The following KLC3 variants were observed in gnomAD, a reference collection of about 807,000 sequenced individuals.
KLC3 encodes kinesin light chain 2.
KLC3 carries 72 observed loss-of-function variants against 62.9 expected under a neutral mutation model. That is an observed-to-expected ratio of 1.15 (90% confidence interval 0.95 to 1.39). KLC3 has a LOEUF of 1.39. KLC3 is among the 40% of genes most tolerant of loss of function. The pLI is 0.00. For missense variants in KLC3, 848 were observed against 691.6 expected, an observed-to-expected ratio of 1.23 and a Z score of -2.54; for synonymous variants, 377 against 300.5, an observed-to-expected ratio of 1.25 and a Z score of -2.63.
rs1481128884 is a variant in KLC3, at chr19:45,348,901, G to T, written c.949G>T (p.Ala317Ser). ...GGAGGCAGAGCCCCTGTGCCAGCGC[G>T]CTTTGGAGATCCGAGAGAAGGTCCC... Reference protein sequence around the residue: ...YREAEPLCQRALEIREKVLGA... With the variant: ...YREAEPLCQRSLEIREKVLGA... Residue 317 changes from alanine (A) to serine (S), a missense_variant, in exon 7 of 13, where the codon GCT becomes TCT. Physicochemically the swap from Ala to Ser is moderately conservative, Grantham distance 99 (BLOSUM62 1). Transcript: ENST00000391946. The T allele has an allele frequency of 6.3e-7, 1 of 1,583,502 alleles. No homozygotes were observed.
Position 45,350,379 on chromosome 19 carries a change from G to T in KLC3, c.1182G>T (p.Ala394=). The change falls in exon 9 of 13, where the codon GCG becomes GCT. Residue 394 remains alanine (A), a synonymous_variant. Transcript: ENST00000391946. ...TGAAACAGAACAAGTATCAACAAGC[G>T]GAAGAGCTGTACAAAGAAATCCTCC... ...AYLKQNKYQQ[A]EELYKEILHK... 1 of 1,613,670 alleles carries T rather than the reference G, an allele frequency of 6.2e-7. No homozygotes were observed. The highest frequency in any genetic ancestry group is 8.5e-7 in the Non-Finnish European group (1 of 1,179,914).
chr19:45,346,117 G>T (rs189733335), intron 2 of KLC3, among the ~76,000 whole-genome samples: 1 of 152,072 alleles, frequency 6.6e-6, no homozygotes, highest in Admixed American at 6.5e-5. Context: ...AGTGGAGATC[G>T]TGCCATTCCA....
Position 45,345,732 on chromosome 19 carries a change from T to G in KLC3, c.191T>G (p.Leu64Arg), listed in dbSNP as rs756887832. 2 of 1,559,708 alleles carry G rather than the reference T, an allele frequency of 1.3e-6. No individual in the cohort carries two copies. Among genetic ancestry groups the G allele is most frequent in the African/African-American group, 2.7e-5 (2 of 73,538 alleles). ...GQGPAAGLEM[L>R]EEKQQVVSHS... ...GGCCCGGCAGCCGGCTTGGAGATGCTGGAGGAAAAGCAGCAGGTGGTGAGC... is the reference window on the plus strand; with the variant it reads ...GGCCCGGCAGCCGGCTTGGAGATGCGGGAGGAAAAGCAGCAGGTGGTGAGC... The change falls in exon 2 of 13, where the codon CTG (leucine) becomes CGG (arginine). Residue 64 changes from leucine (L) to arginine (R), a missense_variant. Transcript: ENST00000391946.
intron 8 of KLC3, 136 bp downstream of exon 8, chr19:45,349,738 G>A (rs989342108): frequency 9.8e-6 from 8 of 814,072 alleles, no homozygotes; most frequent in Admixed American, 6.1e-5. Flanking sequence ...GCAAGTGTCA[G>A]ACACAGGAGC....
rs904294195 is a variant in KLC3, at chr19:45,351,276, C to CT, written c.1444-9dup. On this transcript the variant is annotated splice_polypyrimidine_tract_variant and intron_variant, in intron 12 of 12. Coordinates refer to ENST00000391946, the MANE Select transcript of KLC3 (RefSeq NM_177417.3). ...CCTCCCCTCCAACCATCCCCTGTGC[C>CT]TGTCTCCAGTTTCCCAGCTGGCACC... The CT allele has an allele frequency of 1.2e-6, 2 of 1,612,066 alleles. No individual in the cohort carries two copies. The highest frequency in any genetic ancestry group is 2.7e-5 in the African/African-American group (2 of 74,896).
chr19:45,351,196 GT>G, intron 12 of KLC3, 89 bp from the exon 13 acceptor site: 1 of 1,585,776 alleles, frequency 6.3e-7, no homozygotes, highest in Non-Finnish European at 8.6e-7. Flanking sequence ...GGGTTGGATA[GT>G]TGGCTGCCAG....
At position 45,348,141 on chromosome 19, in the gene KLC3, A is replaced by C; in HGVS notation, c.760A>C (p.Ile254Leu). The change falls in exon 5 of 13, where the codon ATC becomes CTC. Residue 254 changes from isoleucine to leucine, a missense_variant. Coordinates refer to ENST00000391946, the MANE Select transcript of KLC3 (RefSeq NM_177417.3). ...CHPDVATMLN[I>L]LALVYRDQNK... ...CCCTGACGTGGCCACCATGCTCAAC[A>C]TCCTGGCGCTGGTGTACCGGTGAGC... 1 of 1,595,116 alleles carries C rather than the reference A, an allele frequency of 6.3e-7. No individual in the cohort carries two copies. Among genetic ancestry groups the C allele is most frequent in the Non-Finnish European group, 8.5e-7 (1 of 1,170,296 alleles).
intron 1 of KLC3, among the ~76,000 whole-genome samples, chr19:45,343,448 C>T (rs1487355451): frequency 6.6e-6 from 1 of 152,090 alleles, no homozygotes; most frequent in African/African-American, 2.4e-5. Flanking sequence ...AATTCTCATG[C>T]CTCAGCCTCA....
rs1308412593 is a variant in KLC3, at chr19:45,347,437, G to A, written c.490-10G>A. 1.9e-6 allele frequency: 3 copies of A among 1,606,112 alleles called. No homozygotes were observed. The highest frequency in any genetic ancestry group is 1.7e-5 in the Admixed American group (1 of 58,342). ...CACCACCCCGGCCCCCCACTTTCCT[G>A]TCTCTGCAGCAGTCTGAGTCCCCGC... On this transcript the variant is annotated splice_polypyrimidine_tract_variant and intron_variant, in intron 3 of 12. Coordinates refer to ENST00000391946, the MANE Select transcript of KLC3 (RefSeq NM_177417.3).
Position 45,351,430 on chromosome 19 carries a change from G to A in KLC3, c.*73G>A, listed in dbSNP as rs2123214800. 2 of 1,590,194 alleles carry A rather than the reference G, an allele frequency of 1.3e-6. No homozygotes were observed. The highest frequency in any genetic ancestry group is 8.5e-7 in the Non-Finnish European group (1 of 1,171,388). Reference sequence around the variant, plus strand: ...GGGATGGGCTGGTGGGGTGAGAGGGGGTCTATCATCTCCTGGCCCCCCCTT... The same window carrying A: ...GGGATGGGCTGGTGGGGTGAGAGGGAGTCTATCATCTCCTGGCCCCCCCTT... On this transcript the variant is annotated 3_prime_UTR_variant, in exon 13 of 13. Coordinates refer to ENST00000391946, the MANE Select transcript of KLC3 (RefSeq NM_177417.3).
intron 12 of KLC3, 105 bp from the exon 13 acceptor site, chr19:45,351,181 C>G (rs772686665): frequency 1.3e-6 from 2 of 1,584,468 alleles, no homozygotes; most frequent in East Asian, 2.2e-5. Context: ...GGGGTAGAGG[C>G]GAGGGGGTTG....
intron 1 of KLC3, among the ~76,000 whole-genome samples, chr19:45,343,159 T>C (rs1007214307): frequency 6.6e-6 from 1 of 151,834 alleles, no homozygotes; most frequent in South Asian, 2.1e-4. Flanking sequence ...AGTGTGTGCA[T>C]CTGGAGGTGC....
chr19:45,351,170 T>G (rs751521112), intron 12 of KLC3, 116 bp from the exon 13 acceptor site: 5 of 1,587,314 alleles, frequency 3.1e-6, no homozygotes, highest in Non-Finnish European at 4.3e-6. Flanking sequence ...GGGTTTTACT[T>G]GGGGTAGAGG....
At chr19:45,351,217 G>A (rs962671598) in intron 12 of KLC3, 69 bp from the exon 13 acceptor site, 1 of 1,589,492 alleles carries the variant, frequency 6.3e-7, no homozygotes, top group Non-Finnish European at 8.6e-7. Context: ...GGCTGGACCT[G>A]GAGCTGGAGG....
At chr19:45,349,280 G>A in intron 7 of KLC3, 149 bp from the exon 8 acceptor site, 1 of 764,732 alleles carries the variant, frequency 1.3e-6, no homozygotes, top group South Asian at 1.8e-5. Flanking sequence ...CCCGTTAGAT[G>A]GTATAACTTG....
chr19:45,347,934 C>G lies in KLC3; in HGVS notation c.560-7C>G, dbSNP rs1351990211. The G allele has an allele frequency of 7.5e-6, 12 of 1,595,032 alleles. No individual in the cohort carries two copies. Among genetic ancestry groups the G allele is most frequent in the East Asian group, 2.3e-5 (1 of 44,024 alleles). On this transcript the variant is annotated splice_region_variant and splice_polypyrimidine_tract_variant and intron_variant, in intron 4 of 12. Coordinates refer to ENST00000391946, the MANE Select transcript of KLC3 (RefSeq NM_177417.3). ...CAGTGACCCAGAGCCCACCCCACCCCACCTAGGTCCTGAGGCCGCAGGAGC... is the reference window on the plus strand; with the variant it reads ...CAGTGACCCAGAGCCCACCCCACCCGACCTAGGTCCTGAGGCCGCAGGAGC...
At chr19:45,350,078 T>C (rs1252965074) in intron 8 of KLC3, 4 of 501,038 alleles carry the variant, frequency 8.0e-6, no homozygotes, top group African/African-American at 7.7e-5. Context: ...AAACCCACTC[T>C]GCCCCAGGGC....
chr19:45,351,270 C>T lies in KLC3; in HGVS notation c.1444-16C>T. On this transcript the variant is annotated splice_polypyrimidine_tract_variant and intron_variant, in intron 12 of 12. Coordinates refer to ENST00000391946, the MANE Select transcript of KLC3 (RefSeq NM_177417.3). ...CCCTCACCTCCCCTCCAACCATCCC[C>T]TGTGCCTGTCTCCAGTTTCCCAGCT... The T allele has an allele frequency of 6.2e-7, 1 of 1,611,814 alleles. No individual in the cohort carries two copies. The highest frequency in any genetic ancestry group is 1.1e-5 in the South Asian group (1 of 90,940).
intron 1 of KLC3, among the ~76,000 whole-genome samples, chr19:45,343,981 C>T (rs886065237): frequency 6.6e-6 from 1 of 151,840 alleles, no homozygotes; most frequent in Non-Finnish European, 1.5e-5. Flanking sequence ...CATCACCACA[C>T]CCAGCTAATT....
Sources: allele counts gnomAD v4.1 joint callset (sites outside exome capture counted in the v4.1 genomes callset), GRCh38; gene constraint gnomAD v4.1.1; transcripts MANE v1.5; gene names NCBI Gene and HGNC (gene_info 2026-07-23, HGNC 2026-07-21).